The following LCORL variants were observed in gnomAD, a reference collection of about 807,000 sequenced individuals.
LCORL encodes the protein ligand-dependent nuclear receptor corepressor-like protein.
A neutral mutation model predicts 141.8 loss-of-function variants in LCORL; 41 were observed. The ratio of observed to expected loss-of-function variants is 0.29; its 90% CI spans 0.23 to 0.38. The LOEUF (loss-of-function observed/expected upper bound fraction) is 0.38, where lower values mean the gene tolerates loss of function less well. LCORL is among the 10% of genes least tolerant of loss of function. The pLI is 1.00. For missense variants in LCORL, 1,759 were observed against 2,035.0 expected, an observed-to-expected ratio of 0.86 and a Z score of 2.61; for synonymous variants, 618 against 694.1, an observed-to-expected ratio of 0.89 and a Z score of 1.72.
At chr4:18,009,880 C>A (rs897548637) in intron 1 of LCORL, among the ~76,000 whole-genome samples, 1 of 152,126 alleles carries the variant, frequency 6.6e-6, no homozygotes, top group Admixed American at 6.5e-5. Flanking sequence ...TTCTGAGATC[C>A]CACTCCTCTT....
chr4:17,856,829 C>T (rs1420364757), intron 7 of LCORL, among the ~76,000 whole-genome samples: 1 of 152,160 alleles, frequency 6.6e-6, no homozygotes, highest in Non-Finnish European at 1.5e-5. Flanking sequence ...ATTACTTATT[C>T]AGAAAGGATT....
intron 5 of LCORL, among the ~76,000 whole-genome samples, chr4:17,899,131 T>C (rs920339986): frequency 6.6e-6 from 1 of 152,222 alleles, no homozygotes; most frequent in African/African-American, 2.4e-5. Flanking sequence ...CTGTTCATAT[T>C]TTACATTTCA....
At chr4:18,007,807 G>A (rs746812027) in intron 1 of LCORL, among the ~76,000 whole-genome samples, 1 of 152,156 alleles carries the variant, frequency 6.6e-6, no homozygotes, top group Non-Finnish European at 1.5e-5. Context: ...TGTGGGCTCA[G>A]ACTGTTAAGA....
chr4:17,851,173 A>T (rs1723646468), intron 7 of LCORL, among the ~76,000 whole-genome samples: 1 of 150,512 alleles, frequency 6.6e-6, no homozygotes, highest in Non-Finnish European at 1.5e-5. Flanking sequence ...GATATACCTA[A>T]TGCTAAATGA....
intron 4 of LCORL, among the ~76,000 whole-genome samples, chr4:17,932,441 T>C (rs1018799953): frequency 3.3e-5 from 5 of 152,298 alleles, no homozygotes; most frequent in African/African-American, 1.2e-4. Flanking sequence ...TTCCCTTAGT[T>C]AGGCTGTTTG....
chr4:17,977,246 TGTGTAAATAATTAACA>T (rs568681264), intron 1 of LCORL, among the ~76,000 whole-genome samples: 227 of 152,300 alleles, frequency 1.5e-3, no homozygotes, highest in Admixed American at 3.5e-3. Flanking sequence ...TCATTTTTCT[TGTGTAAATAATTAACA>T]GTGTAAATGT....
At chr4:17,854,438 T>C (rs1367997352) in intron 7 of LCORL, among the ~76,000 whole-genome samples, 5 of 152,168 alleles carry the variant, frequency 3.3e-5, no homozygotes, top group Non-Finnish European at 7.4e-5. Context: ...ATGGCAAATA[T>C]GTGTATGATT....
At chr4:17,933,503 T>C (rs553664047) in intron 4 of LCORL, among the ~76,000 whole-genome samples, 1 of 152,264 alleles carries the variant, frequency 6.6e-6, no homozygotes, top group East Asian at 1.9e-4. Context: ...TTTTCTAAAA[T>C]TGTATTCCTA....
At position 17,912,546 on chromosome 4, in the gene LCORL, C is replaced by T. The variant is rs1300713158; in HGVS notation, c.431-3201G>A. 2.4e-5 allele frequency: 11 copies of T among 466,232 alleles called. No homozygotes were observed. The Admixed American group carries it at 2.4e-4, about 10-fold the overall frequency. 28.9% of individuals were successfully genotyped at this position (466,232 alleles called of 1,614,324 possible). Reference sequence around the variant, plus strand: ...GAGGAGAGCACCACAGTCATCACCACACAGTCTGCCGGAATTGGAGCTGCT... The same window carrying T: ...GAGGAGAGCACCACAGTCATCACCATACAGTCTGCCGGAATTGGAGCTGCT... On this transcript the variant is annotated intron_variant, in intron 4 of 7. Coordinates refer to ENST00000635767, the Ensembl canonical transcript of LCORL.
chr4:18,004,426 G>A (rs1309242515), intron 1 of LCORL, among the ~76,000 whole-genome samples: 2 of 152,148 alleles, frequency 1.3e-5, no homozygotes, highest in Non-Finnish European at 2.9e-5. Context: ...GCAGACAAGA[G>A]AAAAGTGCTT....
At chr4:17,919,228 T>G (rs1324556410) in intron 4 of LCORL, among the ~76,000 whole-genome samples, 1 of 152,074 alleles carries the variant, frequency 6.6e-6, no homozygotes, top group Non-Finnish European at 1.5e-5. Context: ...AATAAATCTG[T>G]AAAAAGCAAA....
chr4:17,944,069 T>C lies in LCORL; in HGVS notation c.430+17834A>G, dbSNP rs368208381. Among the ~76,000 whole-genome samples, 35 of 152,294 alleles carry C rather than the reference T, an allele frequency of 2.3e-4. 1 individual carries two copies. In the South Asian group the frequency reaches 3.3e-3, roughly 14 times the overall value. ...CCATACTTATTCATGCCACTGTCCA[T>C]AGTTTTTTGCCTAATTAAAGCCAGG... On this transcript the variant is annotated intron_variant, in intron 4 of 7. Coordinates refer to ENST00000635767, the Ensembl canonical transcript of LCORL.
intron 4 of LCORL, among the ~76,000 whole-genome samples, chr4:17,926,342 G>A (rs1052616362): frequency 1.6e-4 from 24 of 152,172 alleles, no homozygotes; most frequent in Admixed American, 1.4e-3. Flanking sequence ...CTGCCAGCTC[G>A]GCTACGATAA....
chr4:17,862,248 A>G (rs1414751363), intron 7 of LCORL, among the ~76,000 whole-genome samples: 1 of 152,252 alleles, frequency 6.6e-6, no homozygotes, highest in Non-Finnish European at 1.5e-5. Context: ...GAAGCCTCAC[A>G]ATCATGGCAA....
intron 1 of LCORL, among the ~76,000 whole-genome samples, chr4:17,979,009 C>T (rs1186877751): frequency 1.3e-5 from 2 of 152,164 alleles, no homozygotes; most frequent in African/African-American, 4.8e-5. Flanking sequence ...TGGCGTGCTG[C>T]ACGCATTAGG....
chr4:17,965,144 C>T (rs1250682036), intron 2 of LCORL, among the ~76,000 whole-genome samples: 3 of 151,980 alleles, frequency 2.0e-5, no homozygotes, highest in African/African-American at 7.2e-5. Flanking sequence ...AAATAAATGG[C>T]AATGAATAAT....
chr4:17,927,597 C>A (rs1310285083), intron 4 of LCORL, among the ~76,000 whole-genome samples: 1 of 152,060 alleles, frequency 6.6e-6, no homozygotes, highest in African/African-American at 2.4e-5. Context: ...CTTAAATACC[C>A]AGAGGCCATT....
intron 4 of LCORL, among the ~76,000 whole-genome samples, chr4:17,932,310 T>C (rs1425933441): frequency 6.6e-6 from 1 of 152,156 alleles, no homozygotes; most frequent in Non-Finnish European, 1.5e-5. Flanking sequence ...AAGTTTTATT[T>C]TTCTCTCTTC....
At chr4:17,870,352 C>G (rs1482864294) in intron 7 of LCORL, among the ~76,000 whole-genome samples, 1 of 152,238 alleles carries the variant, frequency 6.6e-6, no homozygotes, top group African/African-American at 2.4e-5. Flanking sequence ...TTTTCCACAT[C>G]GTTTGCAACT....
Sources: gnomAD v4.1 joint callset for allele counts (sites outside exome capture counted in the v4.1 genomes callset) on GRCh38, gnomAD v4.1.1 for gene constraint, MANE v1.5 for transcripts, NCBI Gene and HGNC (gene_info 2026-07-23, HGNC 2026-07-21) for gene names.